The following MRPL48 variants were observed in gnomAD, a reference collection of about 807,000 sequenced individuals.
The protein encoded by MRPL48 is large ribosomal subunit protein mL48.
In MRPL48, 16 loss-of-function variants were observed where a neutral mutation model predicts 32.9. That is an observed-to-expected ratio of 0.49 (90% confidence interval 0.33 to 0.74). The LOEUF is 0.74. Among genes scored for constraint, MRPL48 ranks in the 30% least tolerant of loss-of-function variants. MRPL48 has a pLI of 0.02. For missense variants in MRPL48, 206 were observed against 245.3 expected (o/e 0.84, Z 1.07); for synonymous variants, 94 against 89.2 (o/e 1.05, Z -0.31).
chr11:73,863,199 G>A lies in MRPL48; in HGVS notation c.502G>A (p.Glu168Lys). The A allele has an allele frequency of 6.3e-7, 1 of 1,584,274 alleles. No individual in the cohort carries two copies. ...QISGLSATFA[E>K]IFLEIIQSSL... ...CAGCGGTTTGAGTGCTACGTTTGCA[G>A]AAATTTTCTTGGAAATAATCCAAAG... is the stretch of plus-strand genomic sequence containing the variant. The change falls in exon 7 of 8, where the codon GAA (glutamate) becomes AAA (lysine). Residue 168 changes from glutamate (E) to lysine (K), a missense_variant. Transcript: ENST00000310614.
At chr11:73,832,389 A>T (rs1278549474) in intron 4 of MRPL48, 1 of 152,190 alleles carries the variant, frequency 6.6e-6, no homozygotes, top group African/African-American at 2.4e-5. Context: ...CTCTGAGGAG[A>T]CTGGAATCAT....
At chr11:73,854,414 G>A (rs1307784106) in intron 5 of MRPL48, among the ~76,000 whole-genome samples, 1 of 152,154 alleles carries the variant, frequency 6.6e-6, no homozygotes, top group Non-Finnish European at 1.5e-5. Flanking sequence ...TTCCTGAGTA[G>A]CTGGGACTAC....
intron 4 of MRPL48, among the ~76,000 whole-genome samples, chr11:73,833,341 C>CA (rs935382693): frequency 4.6e-5 from 7 of 150,668 alleles, no homozygotes; most frequent in African/African-American, 7.3e-5. Flanking sequence ...TCCTGGTCTG[C>CA]AGCCCCTGGG....
chr11:73,863,151 G>A, intron 6 of MRPL48, 21 bp from the exon 7 acceptor site: 1 of 1,563,562 alleles, frequency 6.4e-7, no homozygotes, highest in South Asian at 1.2e-5. Flanking sequence ...ACCTCTTAGA[G>A]CACCTTCTTT....
intron 1 of MRPL48, among the ~76,000 whole-genome samples, chr11:73,803,294 C>T: frequency 6.6e-6 from 1 of 151,598 alleles, no homozygotes; most frequent in African/African-American, 2.4e-5. Flanking sequence ...CCACCCCTGG[C>T]TAATTTTTGT....
At chr11:73,800,632 T>A (rs977336333) in intron 1 of MRPL48, among the ~76,000 whole-genome samples, 5 of 151,980 alleles carry the variant, frequency 3.3e-5, no homozygotes, top group African/African-American at 1.2e-4. Flanking sequence ...CTGCTCTTCA[T>A]TTGCTGATGG....
At chr11:73,841,375 A>C (rs1948183271) in intron 4 of MRPL48, among the ~76,000 whole-genome samples, 1 of 152,236 alleles carries the variant, frequency 6.6e-6, no homozygotes, top group South Asian at 2.1e-4. Context: ...TAACGGCCCC[A>C]TACTGGAAAT....
intron 6 of MRPL48, 128 bp from the exon 7 acceptor site, chr11:73,863,044 G>A (rs181013053): frequency 1.0e-5 from 8 of 774,850 alleles, no homozygotes; most frequent in Middle Eastern, 3.8e-4. Context: ...ACCAGTTTTG[G>A]TGTTAATCTT....
intron 3 of MRPL48, among the ~76,000 whole-genome samples, chr11:73,823,675 T>TTA (rs1554969539): frequency 2.7e-5 from 4 of 146,960 alleles, no homozygotes; most frequent in Non-Finnish European, 6.0e-5. Context: ...TTTTTTTTTT[T>TTA]AATTTAGAGA....
intron 5 of MRPL48, chr11:73,850,460 C>T: frequency 3.1e-6 from 1 of 320,248 alleles, no homozygotes; most frequent in South Asian, 2.7e-5. Flanking sequence ...ATCTCTCTTT[C>T]TTTATTCATT....
chr11:73,806,978 T>A (rs1389207558), intron 2 of MRPL48, among the ~76,000 whole-genome samples: 2 of 152,170 alleles, frequency 1.3e-5, no homozygotes, highest in Non-Finnish European at 2.9e-5. Context: ...CAAGCAATCC[T>A]CCTGCCTCAG....
chr11:73,789,624 A>G (rs1947110138), intron 1 of MRPL48: 1 of 152,208 alleles, frequency 6.6e-6, no homozygotes, highest in Non-Finnish European at 1.5e-5. Context: ...CCTATCTGTA[A>G]AATGCAGATG....
At chr11:73,824,791 T>A (rs1947853330) in intron 3 of MRPL48, among the ~76,000 whole-genome samples, 1 of 152,104 alleles carries the variant, frequency 6.6e-6, no homozygotes, top group Non-Finnish European at 1.5e-5. Flanking sequence ...CCTCTGAGAA[T>A]GTATTTTATC....
intron 1 of MRPL48, among the ~76,000 whole-genome samples, chr11:73,788,239 C>T (rs1466263996): frequency 6.6e-6 from 1 of 152,154 alleles, no homozygotes; most frequent in Non-Finnish European, 1.5e-5. Context: ...ACATGCCACT[C>T]TCTCCACCCA....
Position 73,805,015 on chromosome 11 carries a change from GT to G in MRPL48, c.22-8del. On this transcript the variant is annotated splice_polypyrimidine_tract_variant and intron_variant, in intron 1 of 7. Transcript: ENST00000310614. ...TGCTTAAGATTGTCCTAACATGGCT[GT>G]TTTGCTGTAGGTGCTGTGCCTGAGG... The G allele has an allele frequency of 1.9e-6, 3 of 1,586,046 alleles. No individual in the cohort carries two copies. The highest frequency in any genetic ancestry group is 1.8e-5 in the Admixed American group (1 of 55,870).
chr11:73,820,705 A>G (rs372201045), intron 3 of MRPL48, among the ~76,000 whole-genome samples: 3 of 150,984 alleles, frequency 2.0e-5, no homozygotes. Flanking sequence ...TGCCTTTCCA[A>G]TATCTTATTT....
At chr11:73,835,353 G>A (rs1220489181) in intron 4 of MRPL48, among the ~76,000 whole-genome samples, 2 of 150,976 alleles carry the variant, frequency 1.3e-5, no homozygotes, top group Non-Finnish European at 2.9e-5. Flanking sequence ...TTTTGGCTAG[G>A]ATAGTCTCGA....
At chr11:73,794,190 A>ATCTG (rs750224044) in intron 1 of MRPL48, among the ~76,000 whole-genome samples, 2 of 146,680 alleles carry the variant, frequency 1.4e-5, no homozygotes, top group African/African-American at 5.1e-5. Flanking sequence ...CCCTGTATCT[A>ATCTG]TCTATCTATC....
chr11:73,813,323 C>T (rs185829131), intron 3 of MRPL48, among the ~76,000 whole-genome samples: 222 of 151,840 alleles, frequency 1.5e-3, no homozygotes, highest in Non-Finnish European at 2.9e-3. Flanking sequence ...AGGAATGTGC[C>T]ACCACGCCTG....
Sources: gnomAD v4.1 joint callset for allele counts (sites outside exome capture counted in the v4.1 genomes callset) on GRCh38, gnomAD v4.1.1 for gene constraint, MANE v1.5 for transcripts, NCBI Gene and HGNC (gene_info 2026-07-23, HGNC 2026-07-21) for gene names.